Variants in NRAP observed in about 807,000 individuals in gnomAD.
NRAP encodes the protein nebulin related anchoring protein, also known as nebulin-related-anchoring protein.
Under a neutral mutation model 225.9 loss-of-function variants are expected in NRAP, and 189 were observed. That is an observed-to-expected ratio of 0.84 (90% CI 0.74 to 0.94). The LOEUF (loss-of-function observed/expected upper bound fraction) is 0.94. NRAP is among the 40% of genes least tolerant of loss of function. The pLI is 0.00. For synonymous variants in NRAP, 769 were observed against 790.7 expected (o/e 0.97, Z 0.46); for missense variants, 2,176 against 2,168.7 (o/e 1.00, Z -0.07).
intron 14 of NRAP, among the ~76,000 whole-genome samples, chr10:113,637,605 G>A (rs3127100): frequency 0.55 from 84,257 of 152,040 alleles, 24,593 homozygotes; most frequent in East Asian, 0.73. Context: ...GGGCCGTGGA[G>A]TGTTTTGTTG....
chr10:113,615,070 A>G, intron 27 of NRAP, 124 bp from the exon 28 acceptor site: 1 of 601,488 alleles, frequency 1.7e-6, no homozygotes. Context: ...AGTTGGAGTT[A>G]GAGATCATGG....
In NRAP at chr10:113,629,760, T is replaced by C; in HGVS notation, c.1868A>G (p.Glu623Gly). The change falls in exon 19 of 42, where the codon GAG becomes GGG. Residue 623 changes from glutamate to glycine, a missense_variant. Glu to Gly is a moderately conservative substitution (Grantham distance 98, BLOSUM62 -2). Around this residue, in one of 3 missense-constraint regions of NRAP, gnomAD observed 1,708 missense variants for 1,695.5 expected, o/e 1.01. Coordinates refer to ENST00000359988, the MANE Select transcript of NRAP (RefSeq NM_198060.4). ...SEVEYKKGFE[E>G]SKTRFHLPMD... ...GGGCAGGTGAAACCGGGTCTTACTCTCTTCAAAGCCTTTCTTATATTCAAC... is the reference window on the plus strand; with the variant it reads ...GGGCAGGTGAAACCGGGTCTTACTCCCTTCAAAGCCTTTCTTATATTCAAC... The C allele has an allele frequency of 6.8e-6, 11 of 1,613,692 alleles. No homozygotes were observed. Among genetic ancestry groups the C allele is most frequent in the Non-Finnish European group, 9.3e-6 (11 of 1,179,550 alleles).
rs773078055 is a variant in NRAP at position 113,657,570 on chromosome 10, T to A, written c.260A>T (p.His87Leu). 1 of 1,526,508 alleles carries A rather than the reference T, an allele frequency of 6.6e-7. No individual in the cohort carries two copies. Among genetic ancestry groups the A allele is most frequent in the Non-Finnish European group, 9.1e-7 (1 of 1,100,324 alleles). The allele number at this position is 1,526,508 out of a possible 1,614,324, so 94.6% of individuals were successfully genotyped here. The change falls in exon 4 of 42, where the codon CAT becomes CTT. Residue 87 changes from histidine to leucine, a missense_variant. Coordinates refer to ENST00000359988, the MANE Select transcript of NRAP (RefSeq NM_198060.4). ...ACACTGTTCACCATCTTCTTGGTCA[T>A]GGATCTGCTCAAGGAAGATGTTGTC... ...RTFPEAISGIHDQEDGEQCKS... is the reference protein window; with the variant it reads ...RTFPEAISGILDQEDGEQCKS...
At chr10:113,616,354 G>T (rs970380257) in intron 26 of NRAP, among the ~76,000 whole-genome samples, 3 of 152,178 alleles carry the variant, frequency 2.0e-5, no homozygotes, top group Admixed American at 1.3e-4. Flanking sequence ...CATGCAGTTG[G>T]CATCAGCCAC....
At chr10:113,662,588 A>C (rs1850748098) in intron 3 of NRAP, 91 bp downstream of exon 3, 1 of 794,280 alleles carries the variant, frequency 1.3e-6, no homozygotes, top group Non-Finnish European at 2.2e-6. Flanking sequence ...GTGCCTGGCT[A>C]GAATATATTC....
intron 14 of NRAP, among the ~76,000 whole-genome samples, chr10:113,638,287 A>G (rs559649045): frequency 6.6e-6 from 1 of 152,348 alleles, no homozygotes; most frequent in East Asian, 1.9e-4. Context: ...ACATCTTTGC[A>G]ACACCACAAA....
At chr10:113,651,513 C>T (rs949730986) in intron 7 of NRAP, among the ~76,000 whole-genome samples, 2 of 152,018 alleles carry the variant, frequency 1.3e-5, no homozygotes, top group African/African-American at 2.4e-5. Flanking sequence ...CTCTGTGGGC[C>T]CCAGTGTGTG....
chr10:113,643,824 A>C (rs758955979), intron 11 of NRAP, among the ~76,000 whole-genome samples: 3 of 152,246 alleles, frequency 2.0e-5, no homozygotes, highest in Non-Finnish European at 4.4e-5. Flanking sequence ...GTTTGTTATC[A>C]TATCTTATAA....
At chr10:113,607,247 A>C (rs1046809430) in intron 32 of NRAP, among the ~76,000 whole-genome samples, 21 of 150,866 alleles carry the variant, frequency 1.4e-4, no homozygotes, top group African/African-American at 5.1e-4. Context: ...AAAAAACAAA[A>C]AAAAATTAGC....
intron 14 of NRAP, among the ~76,000 whole-genome samples, chr10:113,634,599 G>T (rs552558399): frequency 5.9e-5 from 9 of 152,308 alleles, no homozygotes; most frequent in Admixed American, 2.0e-4. Context: ...TCTCACAACG[G>T]TGCTAGCAGA....
chr10:113,635,510 C>T (rs1409102461), intron 14 of NRAP, among the ~76,000 whole-genome samples: 1 of 152,234 alleles, frequency 6.6e-6, no homozygotes, highest in African/African-American at 2.4e-5. Context: ...TCACTGCAAC[C>T]TCCTCCTCCT....
intron 3 of NRAP, among the ~76,000 whole-genome samples, chr10:113,661,920 A>G (rs571370601): frequency 6.6e-6 from 1 of 152,210 alleles, no homozygotes; most frequent in Non-Finnish European, 1.5e-5. Context: ...AAAAGTCAAG[A>G]TCCTTGTAAT....
intron 3 of NRAP, among the ~76,000 whole-genome samples, chr10:113,661,510 A>T (rs987181219): frequency 6.6e-6 from 1 of 152,118 alleles, no homozygotes; most frequent in African/African-American, 2.4e-5. Context: ...GTAAAGAGGG[A>T]TCACTAGAGA....
chr10:113,638,506 G>T (rs1247344768), intron 14 of NRAP, among the ~76,000 whole-genome samples: 5 of 152,086 alleles, frequency 3.3e-5, no homozygotes, highest in African/African-American at 1.2e-4. Flanking sequence ...TCTTGTAAAT[G>T]GATTCCCCAA....
chr10:113,621,901 A>T lies in NRAP; in HGVS notation c.2737T>A (p.Trp913Arg), dbSNP rs146405624. Reference sequence around the variant, plus strand: ...TGTAAGCCATAAGCCTTCTTGGCCCATTCCACCTTCATGTCTGTGGGCAAA... The same window carrying T: ...TGTAAGCCATAAGCCTTCTTGGCCCTTTCCACCTTCATGTCTGTGGGCAAA... Reference protein sequence around the residue: ...TALPTDMKVEWAKKAYGLQSD... With the variant: ...TALPTDMKVERAKKAYGLQSD... The change falls in exon 24 of 42, where the codon TGG (tryptophan) becomes AGG (arginine). Residue 913 changes from tryptophan to arginine, a missense_variant. Physicochemically the swap from Trp to Arg is moderately radical, Grantham distance 101. Coordinates refer to ENST00000359988, the MANE Select transcript of NRAP (RefSeq NM_198060.4). 7 of 1,613,300 alleles carry T rather than the reference A, an allele frequency of 4.3e-6. No individual in the cohort carries two copies. The African/African-American group carries it at 6.7e-5, about 15-fold the overall frequency.
Position 113,654,081 on chromosome 10 carries a change from T to G in NRAP, c.405A>C (p.Pro135=), listed in dbSNP as rs1257331333. Residue 135 remains proline (P), a synonymous_variant, in exon 5 of 42, where the codon CCA becomes CCC. Transcript: ENST00000359988. ...TGYGEGNAWC[P]GALPDPEIVR... ...CAATTTCGGGGTCTGGCAGAGCTCC[T>G]GGGCACCAAGCATTCCCTTCCCCAT... The G allele has an allele frequency of 6.2e-7, 1 of 1,613,886 alleles. No individual in the cohort carries two copies. The highest frequency in any genetic ancestry group is 1.7e-5 in the Admixed American group (1 of 60,016).
At chr10:113,651,196 G>A (rs1223950043) in intron 7 of NRAP, among the ~76,000 whole-genome samples, 1 of 152,100 alleles carries the variant, frequency 6.6e-6, no homozygotes, top group Non-Finnish European at 1.5e-5. Flanking sequence ...TTGACCTCAG[G>A]AATTTCTTCT....
intron 38 of NRAP, among the ~76,000 whole-genome samples, chr10:113,592,652 C>G (rs1846060164): frequency 6.6e-6 from 1 of 152,184 alleles, no homozygotes; most frequent in East Asian, 1.9e-4. Flanking sequence ...CTTCTAGGTG[C>G]CAGAATTCAA....
chr10:113,655,394 GA>G (rs942794241), intron 4 of NRAP, among the ~76,000 whole-genome samples: 2 of 149,302 alleles, frequency 1.3e-5, no homozygotes, highest in South Asian at 2.1e-4. Context: ...ATTTGCAATA[GA>G]AAAAAAATTT....
Sources: gnomAD v4.1 joint callset for allele counts (sites outside exome capture counted in the v4.1 genomes callset) on GRCh38, gnomAD v4.1.1 for gene constraint, gnomAD v4.1.1 regional missense constraint, MANE v1.5 for transcripts, NCBI Gene and HGNC (gene_info 2026-07-23, HGNC 2026-07-21) for gene names.